GRIK2: variants seen among roughly 807,000 people sequenced by gnomAD.
GRIK2 encodes glutamate ionotropic receptor kainate type subunit 2, also known as glutamate receptor ionotropic, kainate 2.
GRIK2 carries 32 observed loss-of-function variants against 100.3 expected under a neutral mutation model. The observed-to-expected ratio is 0.32, with a 90% confidence interval of 0.24 to 0.43. The LOEUF (loss-of-function observed/expected upper bound fraction) is 0.43, where lower values mean the gene tolerates loss of function less well. Among genes scored for constraint, GRIK2 ranks in the 20% least tolerant of loss-of-function variants. GRIK2 has a pLI of 1.00. For missense variants in GRIK2, 843 were observed against 1,114.9 expected (o/e 0.76, Z 3.47); for synonymous variants, 417 against 389.4 (o/e 1.07, Z -0.83).
intron 7 of GRIK2, among the ~76,000 whole-genome samples, chr6:101,781,236 T>A (rs1230997605): frequency 1.3e-5 from 2 of 152,014 alleles, no homozygotes; most frequent in East Asian, 1.9e-4. Context: ...ATTTCACTAA[T>A]AATTGGTCAC....
At chr6:101,494,238 C>T (rs1773309509) in intron 2 of GRIK2, among the ~76,000 whole-genome samples, 1 of 151,122 alleles carries the variant, frequency 6.6e-6, no homozygotes, top group Admixed American at 6.6e-5. Flanking sequence ...TCACTGTCAC[C>T]TTAAGTCTTC....
At chr6:101,969,675 G>A (rs1288728652) in intron 14 of GRIK2, among the ~76,000 whole-genome samples, 1 of 151,968 alleles carries the variant, frequency 6.6e-6, no homozygotes, top group African/African-American at 2.4e-5. Flanking sequence ...TAGTCTTAAT[G>A]CATAATATTT....
intron 10 of GRIK2, among the ~76,000 whole-genome samples, chr6:101,847,514 G>A (rs563440716): frequency 6.6e-6 from 1 of 152,208 alleles, no homozygotes; most frequent in Non-Finnish European, 1.5e-5. Flanking sequence ...ACTGAAATGT[G>A]TGATTGTTAG....
intron 2 of GRIK2, among the ~76,000 whole-genome samples, chr6:101,586,760 C>T (rs1778383871): frequency 6.6e-6 from 1 of 150,942 alleles, no homozygotes; most frequent in Non-Finnish European, 1.5e-5. Context: ...TGTGGTGGCA[C>T]ATACCTGTAG....
At chr6:101,715,494 A>C (rs1286239806) in intron 7 of GRIK2, among the ~76,000 whole-genome samples, 1 of 151,594 alleles carries the variant, frequency 6.6e-6, no homozygotes, top group Non-Finnish European at 1.5e-5. Context: ...TCATGGGGAC[A>C]CATAACAGCA....
chr6:101,695,832 C>A (rs1408883895), intron 7 of GRIK2, among the ~76,000 whole-genome samples: 1 of 151,916 alleles, frequency 6.6e-6, no homozygotes, highest in African/African-American at 2.4e-5. Flanking sequence ...TACATTTGGA[C>A]AAAATCATTT....
intron 2 of GRIK2, among the ~76,000 whole-genome samples, chr6:101,605,595 C>G (rs1024725718): frequency 2.6e-5 from 4 of 151,838 alleles, no homozygotes; most frequent in African/African-American, 9.7e-5. Flanking sequence ...CTTTAACTAC[C>G]CTGGACCCAG....
chr6:101,560,040 G>A lies in GRIK2; in HGVS notation c.116-61909G>A, dbSNP rs1231865738. 3.9e-5 allele frequency among the ~76,000 whole-genome samples: 6 copies of A among 152,210 alleles called. No homozygotes were observed. The East Asian group carries it at 7.7e-4, about 20-fold the overall frequency. ...AACTTGATGAAGCTTCATAGCAGAG[G>A]AATAGGTCAGCTGATTCGATGTGAT... On this transcript the variant is annotated intron_variant, in intron 2 of 16. Transcript: ENST00000369134.
At chr6:101,649,903 A>G (rs1781706585) in intron 4 of GRIK2, among the ~76,000 whole-genome samples, 1 of 152,102 alleles carries the variant, frequency 6.6e-6, no homozygotes, top group Non-Finnish European at 1.5e-5. Context: ...TCTGAGCAGA[A>G]ACTACACATT....
At chr6:102,063,352 G>A (rs1722315386) in intron 16 of GRIK2, among the ~76,000 whole-genome samples, 1 of 150,536 alleles carries the variant, frequency 6.6e-6, no homozygotes, top group Non-Finnish European at 1.5e-5. Context: ...CTAAATGCAG[G>A]CTTGAAAGTA....
chr6:102,027,603 G>T (rs1450689059), intron 14 of GRIK2, among the ~76,000 whole-genome samples: 2 of 150,980 alleles, frequency 1.3e-5, no homozygotes, highest in South Asian at 2.1e-4. Flanking sequence ...AATGTTAAAG[G>T]TTTTAAATTT....
chr6:101,394,632 ATTATTT>A (rs1271335875), intron 1 of GRIK2, among the ~76,000 whole-genome samples: 1 of 152,206 alleles, frequency 6.6e-6, no homozygotes, highest in African/African-American at 2.4e-5. Context: ...TGGATTGATG[ATTATTT>A]TCATTTCACG....
At chr6:101,422,290 C>G (rs993647358) in intron 2 of GRIK2, among the ~76,000 whole-genome samples, 16 of 152,076 alleles carry the variant, frequency 1.1e-4, no homozygotes, top group African/African-American at 3.9e-4. Context: ...GCAAGCTGCT[C>G]TTGGATTGTA....
At chr6:102,011,789 TGTTAGCCAG>T (rs1269965122) in intron 14 of GRIK2, among the ~76,000 whole-genome samples, 1 of 152,020 alleles carries the variant, frequency 6.6e-6, no homozygotes, top group Non-Finnish European at 1.5e-5. Context: ...GGTTTCACCA[TGTTAGCCAG>T]GATGGTCTCA....
intron 8 of GRIK2, among the ~76,000 whole-genome samples, chr6:101,800,107 TA>T (rs1780579739): frequency 6.6e-6 from 1 of 152,132 alleles, no homozygotes. Flanking sequence ...AATGCATTTT[TA>T]ACATAAATGT....
At chr6:101,857,494 A>T (rs1245812000) in intron 10 of GRIK2, among the ~76,000 whole-genome samples, 1 of 152,148 alleles carries the variant, frequency 6.6e-6, no homozygotes, top group Non-Finnish European at 1.5e-5. Context: ...GGGCAAGCTG[A>T]CACATGGCTG....
At chr6:102,033,727 G>T (rs1770119912) in intron 14 of GRIK2, among the ~76,000 whole-genome samples, 1 of 151,226 alleles carries the variant, frequency 6.6e-6, no homozygotes, top group Non-Finnish European at 1.5e-5. Context: ...TAAAATAATA[G>T]AAATGCTTAA....
chr6:101,396,279 A>C (rs1177903752), intron 1 of GRIK2, among the ~76,000 whole-genome samples: 1 of 145,930 alleles, frequency 6.9e-6, no homozygotes, highest in Non-Finnish European at 1.5e-5. Flanking sequence ...TTTAATGTGA[A>C]AGAACAAGAA....
At chr6:101,423,516 T>C (rs1323463287) in intron 2 of GRIK2, among the ~76,000 whole-genome samples, 1 of 152,192 alleles carries the variant, frequency 6.6e-6, no homozygotes. Flanking sequence ...ATATCATTCA[T>C]TGTAGTCTGA....
Sources: allele counts gnomAD v4.1 joint callset (sites outside exome capture counted in the v4.1 genomes callset), GRCh38; gene constraint gnomAD v4.1.1; transcripts MANE v1.5; gene names NCBI Gene and HGNC (gene_info 2026-07-23, HGNC 2026-07-21).